The following MARCHF1 variants were observed in gnomAD, a reference collection of about 807,000 sequenced individuals.
MARCHF1 encodes the protein membrane associated ring-CH-type finger 1.
A neutral mutation model predicts 54.2 loss-of-function variants in MARCHF1; 40 were observed. The ratio of observed to expected loss-of-function variants is 0.74; its 90% CI spans 0.57 to 0.96. MARCHF1 has a LOEUF of 0.96. Ranked by LOEUF, MARCHF1 falls within the 40% of genes least tolerant of loss-of-function variation. The pLI is 0.00. For missense variants in MARCHF1, 586 were observed against 656.5 expected, an observed-to-expected ratio of 0.89 and a Z score of 1.17; for synonymous variants, 236 against 236.3, an observed-to-expected ratio of 1.00 and a Z score of 0.01.
intron 2 of MARCHF1, among the ~76,000 whole-genome samples, chr4:164,109,172 C>T (rs1278375252): frequency 6.6e-6 from 1 of 151,962 alleles, no homozygotes; most frequent in African/African-American, 2.4e-5. Context: ...AGCTAATGAC[C>T]TATTTACAGA....
chr4:164,209,991 A>G (rs1484344503), intron 1 of MARCHF1, among the ~76,000 whole-genome samples: 2 of 152,216 alleles, frequency 1.3e-5, no homozygotes, highest in African/African-American at 4.8e-5. Flanking sequence ...CATCTTGGCT[A>G]GGCAGTTACA....
intron 3 of MARCHF1, among the ~76,000 whole-genome samples, chr4:163,913,717 T>C (rs1301895520): frequency 2.0e-5 from 3 of 152,212 alleles, no homozygotes; most frequent in African/African-American, 7.2e-5. Flanking sequence ...CACATGAAGC[T>C]GGCAAAACCC....
chr4:164,053,202 A>C (rs534931851), intron 2 of MARCHF1, among the ~76,000 whole-genome samples: 50 of 152,200 alleles, frequency 3.3e-4, no homozygotes, highest in Non-Finnish European at 6.6e-4. Context: ...AGGAAAGTTT[A>C]CTTGAATGCA....
intron 3 of MARCHF1, among the ~76,000 whole-genome samples, chr4:163,920,356 G>T (rs1489403197): frequency 6.6e-6 from 1 of 152,154 alleles, no homozygotes; most frequent in East Asian, 1.9e-4. Flanking sequence ...AACTCTCTTG[G>T]TTGGTCAAAG....
chr4:163,861,618 G>A (rs1749935339), intron 3 of MARCHF1, among the ~76,000 whole-genome samples: 1 of 151,892 alleles, frequency 6.6e-6, no homozygotes, highest in African/African-American at 2.4e-5. Flanking sequence ...TTCATGGATG[G>A]GAAGACTCAA....
chr4:164,133,707 A>C (rs1756346572), intron 1 of MARCHF1, among the ~76,000 whole-genome samples: 1 of 152,178 alleles, frequency 6.6e-6, no homozygotes, highest in Admixed American at 6.5e-5. Flanking sequence ...CCAAAAAAAG[A>C]ACTAAAACTC....
chr4:163,876,663 G>C (rs960451804), intron 3 of MARCHF1, among the ~76,000 whole-genome samples: 1 of 152,126 alleles, frequency 6.6e-6, no homozygotes, highest in Non-Finnish European at 1.5e-5. Context: ...AGCAATATTA[G>C]AGATCATGGA....
chr4:164,101,884 T>C lies in MARCHF1; in HGVS notation c.-248+9704A>G, dbSNP rs545920193. 4.8e-4 allele frequency among the ~76,000 whole-genome samples: 73 copies of C among 151,766 alleles called. 1 individual carries two copies. The South Asian group carries it at 0.014, about 29-fold the overall frequency. The stretch of plus-strand genomic sequence containing the variant: ...CTTTGAAAAAAAATTTAGAAGAATG[T>C]ATAACTAGAAGAACCAATACAGAGA... On this transcript the variant is annotated intron_variant, in intron 2 of 9. Coordinates refer to ENST00000514618, the MANE Select transcript of MARCHF1 (RefSeq NM_001394959.1).
intron 4 of MARCHF1, among the ~76,000 whole-genome samples, chr4:163,799,421 A>T (rs1368365159): frequency 6.6e-6 from 1 of 152,194 alleles, no homozygotes; most frequent in Non-Finnish European, 1.5e-5. Context: ...TTAAAAAGTT[A>T]ATATAATGTC....
intron 1 of MARCHF1, among the ~76,000 whole-genome samples, chr4:164,130,566 A>AT (rs1352989476): frequency 3.9e-5 from 6 of 152,204 alleles, no homozygotes; most frequent in Admixed American, 6.5e-5. Flanking sequence ...TAAGAGTATA[A>AT]TAATAAACCC....
chr4:163,891,166 C>A (rs1341033485), intron 3 of MARCHF1, among the ~76,000 whole-genome samples: 2 of 151,934 alleles, frequency 1.3e-5, no homozygotes, highest in African/African-American at 2.4e-5. Flanking sequence ...TTTTTGTAAT[C>A]ATTATTGCCA....
At chr4:163,914,741 T>C (rs1353053614) in intron 3 of MARCHF1, among the ~76,000 whole-genome samples, 1 of 152,182 alleles carries the variant, frequency 6.6e-6, no homozygotes, top group Non-Finnish European at 1.5e-5. Context: ...ATGATAAGTG[T>C]CTAAAGCTCA....
intron 1 of MARCHF1, among the ~76,000 whole-genome samples, chr4:164,358,792 T>G (rs1265889841): frequency 6.6e-6 from 1 of 152,156 alleles, no homozygotes; most frequent in African/African-American, 2.4e-5. Flanking sequence ...ATAGAAATGT[T>G]ATAGAGTAAC....
chr4:163,535,412 TG>T (rs1343569848), intron 9 of MARCHF1, among the ~76,000 whole-genome samples: 1 of 152,108 alleles, frequency 6.6e-6, no homozygotes, highest in Non-Finnish European at 1.5e-5. Flanking sequence ...ATGCCAAAGG[TG>T]AGCTTATTAC....
At chr4:163,785,226 A>C (rs534123656) in intron 4 of MARCHF1, among the ~76,000 whole-genome samples, 14 of 152,262 alleles carry the variant, frequency 9.2e-5, no homozygotes, top group African/African-American at 3.4e-4. Context: ...CAATTTGAAG[A>C]TCTCCATAGT....
At chr4:163,537,276 T>C (rs779113200) in intron 9 of MARCHF1, among the ~76,000 whole-genome samples, 1 of 152,194 alleles carries the variant, frequency 6.6e-6, no homozygotes, top group African/African-American at 2.4e-5. Flanking sequence ...AATTGTCTTC[T>C]TACATTCTGT....
intron 2 of MARCHF1, among the ~76,000 whole-genome samples, chr4:164,001,380 C>T (rs12511868): frequency 0.059 from 8,962 of 151,708 alleles, 629 homozygotes; most frequent in East Asian, 0.33. Flanking sequence ...ATCATAAAAT[C>T]AGGTAATAAT....
intron 1 of MARCHF1, among the ~76,000 whole-genome samples, chr4:164,202,929 A>C (rs1250561196): frequency 6.6e-6 from 1 of 152,156 alleles, no homozygotes; most frequent in Admixed American, 6.5e-5. Flanking sequence ...TCCACCATTA[A>C]ACCAAAATGG....
At chr4:163,558,667 C>T (rs559757808) in intron 8 of MARCHF1, among the ~76,000 whole-genome samples, 21 of 152,148 alleles carry the variant, frequency 1.4e-4, no homozygotes, top group Non-Finnish European at 2.8e-4. Context: ...TGGCTCAGGC[C>T]AGGCATGGTT....
Sources: allele counts gnomAD v4.1 joint callset (sites outside exome capture counted in the v4.1 genomes callset), GRCh38; gene constraint gnomAD v4.1.1; transcripts MANE v1.5; gene names NCBI Gene and HGNC (gene_info 2026-07-23, HGNC 2026-07-21).